The following EIF3B variants were observed in gnomAD, a reference collection of about 807,000 sequenced individuals.
EIF3B encodes eukaryotic translation initiation factor 3 subunit 9.
EIF3B carries 10 observed loss-of-function variants against 104.6 expected under a neutral mutation model. The observed-to-expected ratio is 0.10, with a 90% CI of 0.06 to 0.16. EIF3B has a LOEUF of 0.16. EIF3B is among the 10% of genes least tolerant of loss of function. The pLI is 1.00. For missense variants in EIF3B, 1,014 were observed against 1,087.9 expected (o/e 0.93, Z 0.96); for synonymous variants, 542 against 417.2 (o/e 1.30, Z -3.65).
chr7:2,366,863 C>A, intron 8 of EIF3B, 136 bp from the exon 9 acceptor site: 2 of 951,260 alleles, frequency 2.1e-6, no homozygotes, highest in Non-Finnish European at 1.6e-6. Context: ...TGGATGGGTT[C>A]ACTGTCACGC....
At position 2,365,675 on chromosome 7, in the gene EIF3B, G is replaced by GT. The variant is rs371025104; in HGVS notation, c.1158-638dup. ...TTTTTGTTTGTTTGTTTGTTTGTTT[G>GT]TTTTGTTTTTTTTTTTTTTGAAACT... is the stretch of plus-strand genomic sequence containing the variant. On this transcript the variant is annotated intron_variant, in intron 6 of 18. Coordinates refer to ENST00000360876, the MANE Select transcript of EIF3B (RefSeq NM_001037283.2). Among the ~76,000 whole-genome samples the GT allele has an allele frequency of 1.9e-3, 213 of 110,612 alleles. 6 individuals are homozygous for GT. The South Asian group carries it at 0.026, about 13-fold the overall frequency. The allele number at this position is 110,612 out of a possible 152,430, so 72.6% of individuals were successfully genotyped here.
At chr7:2,354,516 G>T (rs941244084), upstream of EIF3B, among the ~76,000 whole-genome samples, 14 of 152,072 alleles carry the variant, frequency 9.2e-5, no homozygotes, top group African/African-American at 1.2e-4. Context: ...TCTTGTCCCC[G>T]CCTTCAGCTC....
In EIF3B at chr7:2,355,403, A is replaced by C. The variant is rs1779356144; in HGVS notation, c.482A>C (p.Asp161Ala). The C allele has an allele frequency of 6.7e-7, 1 of 1,481,558 alleles. No individual in the cohort carries two copies. Among genetic ancestry groups the C allele is most frequent in the Admixed American group, 2.2e-5 (1 of 46,370 alleles). The allele number at this position is 1,481,558 out of a possible 1,614,324, so 91.8% of individuals were successfully genotyped here. The change falls in exon 1 of 19, where the codon GAC (aspartate) becomes GCC (alanine). Residue 161 changes from aspartate (D) to alanine (A), a missense_variant. Around this residue, in one of 4 missense-constraint regions of EIF3B, gnomAD observed 488 missense variants for 404.3 expected, o/e 1.21. Coordinates refer to ENST00000360876, the MANE Select transcript of EIF3B (RefSeq NM_001037283.2). Reference protein sequence around the residue: ...PSFSDPEDFVDDVSEEELLGD... With the variant: ...PSFSDPEDFVADVSEEELLGD... ...TTCAGCGACCCCGAGGACTTCGTGG[A>C]CGACGTGAGCGAGGAAGGTGAGGGC...
chr7:2,374,773 G>T lies in EIF3B; in HGVS notation c.1889+167G>T, dbSNP rs1054997323. 1.3e-5 allele frequency: 8 copies of T among 594,002 alleles called. No individual in the cohort carries two copies. In the East Asian group the frequency reaches 1.4e-4, roughly 10 times the overall value. The allele number at this position is 594,002 out of a possible 1,614,324, so 36.8% of individuals were successfully genotyped here. Reference sequence around the variant, plus strand: ...TTCATTGAACCTCTGCAGACCCACGGTACTCCAGGACTCAGGCCAAGCCCG... The same window carrying T: ...TTCATTGAACCTCTGCAGACCCACGTTACTCCAGGACTCAGGCCAAGCCCG... On this transcript the variant is annotated intron_variant, in intron 13 of 18. Coordinates refer to ENST00000360876, the MANE Select transcript of EIF3B (RefSeq NM_001037283.2).
rs1780035687 is a variant in EIF3B, at chr7:2,366,509, C to T, written c.1290-16C>T. 6.2e-7 allele frequency: 1 copy of T among 1,614,022 alleles called. No homozygotes were observed. The highest frequency in any genetic ancestry group is 8.5e-7 in the Non-Finnish European group (1 of 1,180,028). ...GTCTTTTCATGGGAATACCCTGGCA[C>T]TTTTGTTTTTCTTAGGTGGAGCCAT... On this transcript the variant is annotated splice_polypyrimidine_tract_variant and intron_variant, in intron 7 of 18. Coordinates refer to ENST00000360876, the MANE Select transcript of EIF3B (RefSeq NM_001037283.2).
At chr7:2,369,740 CGT>C in intron 10 of EIF3B, 58 bp downstream of exon 10, 1 of 1,270,132 alleles carries the variant, frequency 7.9e-7, no homozygotes, top group Non-Finnish European at 1.1e-6. Context: ...AAGTGGCCAC[CGT>C]ATTGTTTGGA....
At chr7:2,369,861 C>T (rs977477577) in intron 10 of EIF3B, among the ~76,000 whole-genome samples, 179 bp downstream of exon 10, 1 of 142,002 alleles carries the variant, frequency 7.0e-6, no homozygotes, top group Non-Finnish European at 1.5e-5. Flanking sequence ...ACTGCAGTCT[C>T]TGCCTCCTGG....
chr7:2,374,899 A>G (rs1780552607), intron 13 of EIF3B: 2 of 352,804 alleles, frequency 5.7e-6, no homozygotes, highest in Non-Finnish European at 1.0e-5. Flanking sequence ...CCTTCCAGCC[A>G]TCCAGTAACC....
In EIF3B at chr7:2,366,834, G is replaced by A. The variant is rs555709639; in HGVS notation, c.1357-165G>A. The stretch of plus-strand genomic sequence containing the variant: ...TAATGCAGTGGGCTTCAGAACTGCA[G>A]TTCTGGGTGGCGGGTGGGTGGATGG... On this transcript the variant is annotated intron_variant, in intron 8 of 18. Coordinates refer to ENST00000360876, the MANE Select transcript of EIF3B (RefSeq NM_001037283.2). 13 of 845,288 alleles carry A rather than the reference G, an allele frequency of 1.5e-5. No individual in the cohort carries two copies. The East Asian group carries it at 3.2e-4, about 21-fold the overall frequency. The allele number at this position is 845,288 out of a possible 1,614,324, so 52.4% of individuals were successfully genotyped here.
chr7:2,375,036 A>G (rs1780558874), intron 13 of EIF3B: 1 of 340,182 alleles, frequency 2.9e-6, no homozygotes, highest in Non-Finnish European at 5.5e-6. Context: ...GTGTGTCGAA[A>G]TCATGGAGAA....
At position 2,366,630 on chromosome 7, in the gene EIF3B, C is replaced by G. The variant is rs1433114739; in HGVS notation, c.1356+39C>G. 4 of 1,608,164 alleles carry G rather than the reference C, an allele frequency of 2.5e-6. No homozygotes were observed. The Admixed American group carries it at 5.0e-5, about 20-fold the overall frequency. ...GTGATGGCAAACGCCCCGTCCGGTCCTTGCTTGTAACCGGGGTGTGGTGCC... is the reference window on the plus strand; with the variant it reads ...GTGATGGCAAACGCCCCGTCCGGTCGTTGCTTGTAACCGGGGTGTGGTGCC... On this transcript the variant is annotated intron_variant, in intron 8 of 18. Transcript: ENST00000360876.
chr7:2,363,226 G>A (rs1779833938), intron 4 of EIF3B, 99 bp downstream of exon 4: 2 of 1,248,144 alleles, frequency 1.6e-6, no homozygotes, highest in Admixed American at 3.4e-5. Flanking sequence ...GCTGAGGTGG[G>A]AGGATCGCTT....
At chr7:2,367,777 G>C (rs1423751313) in intron 9 of EIF3B, among the ~76,000 whole-genome samples, 1 of 137,582 alleles carries the variant, frequency 7.3e-6, no homozygotes, top group African/African-American at 2.8e-5. Context: ...CTGTCACTCA[G>C]TTCTTAACCA....
At chr7:2,357,754 G>A (rs1411255897) in intron 1 of EIF3B, among the ~76,000 whole-genome samples, 3 of 152,192 alleles carry the variant, frequency 2.0e-5, no homozygotes, top group Admixed American at 6.5e-5. Flanking sequence ...TGATCAAGGC[G>A]TTGTGTCTTC....
chr7:2,359,640 C>T (rs180961490), intron 1 of EIF3B, among the ~76,000 whole-genome samples: 1 of 152,258 alleles, frequency 6.6e-6, no homozygotes, highest in South Asian at 2.1e-4. Context: ...ACCCAAGAAG[C>T]GAGGGATAGT....
rs894529770 is a variant in EIF3B at position 2,360,969 on chromosome 7, G to T, written c.692+67G>T. 5 of 1,362,950 alleles carry T rather than the reference G, an allele frequency of 3.7e-6. No individual in the cohort carries two copies. In the African/African-American group the frequency reaches 5.7e-5, roughly 16 times the overall value. The allele number at this position is 1,362,950 out of a possible 1,614,324, so 84.4% of individuals were successfully genotyped here. A position where few individuals can be genotyped will look rare whatever the true frequency, so the allele number is the denominator to read the frequency against. ...ACGTCATGATGAGGGAGTGTTGCAG[G>T]AGATCCTTACTAACACAGCTCCTGC... is the stretch of plus-strand genomic sequence containing the variant. On this transcript the variant is annotated intron_variant, in intron 2 of 18. Transcript: ENST00000360876.
intron 10 of EIF3B, among the ~76,000 whole-genome samples, chr7:2,370,672 G>A (rs921610033): frequency 6.6e-6 from 1 of 152,102 alleles, no homozygotes; most frequent in Non-Finnish European, 1.5e-5. Flanking sequence ...GTTTTCATCG[G>A]CTGGGTGCGG....
chr7:2,364,673 C>G (rs971066103), intron 6 of EIF3B, 144 bp downstream of exon 6: 1 of 748,614 alleles, frequency 1.3e-6, no homozygotes, highest in Non-Finnish European at 2.1e-6. Context: ...TTACTGAGAT[C>G]TTCTCACATT....
intron 18 of EIF3B, 101 bp from the exon 19 acceptor site, chr7:2,380,103 C>T (rs1780917346): frequency 6.5e-6 from 2 of 309,266 alleles, no homozygotes; most frequent in South Asian, 5.1e-5. Context: ...GCCGGGGTGG[C>T]TCCTCTTGCG....
Sources: gnomAD v4.1 joint callset for allele counts (sites outside exome capture counted in the v4.1 genomes callset) on GRCh38, gnomAD v4.1.1 for gene constraint, gnomAD v4.1.1 regional missense constraint, MANE v1.5 for transcripts, NCBI Gene and HGNC (gene_info 2026-07-23, HGNC 2026-07-21) for gene names.